PARD3B: variants seen among roughly 807,000 people sequenced by gnomAD.
PARD3B encodes par-3 family cell polarity regulator beta.
A neutral mutation model predicts 130.2 loss-of-function variants in PARD3B; 103 were observed. That is an observed-to-expected ratio of 0.79 (90% confidence interval 0.67 to 0.93). The LOEUF is 0.93. Ranked by LOEUF, PARD3B falls within the 40% of genes least tolerant of loss-of-function variation. PARD3B has a pLI of 0.00. For missense variants in PARD3B, 1,609 were observed against 1,499.2 expected, an observed-to-expected ratio of 1.07 and a Z score of -1.21; for synonymous variants, 583 against 553.2, an observed-to-expected ratio of 1.05 and a Z score of -0.76.
At chr2:204,935,607 G>A (rs1025933685) in intron 2 of PARD3B, among the ~76,000 whole-genome samples, 3 of 151,588 alleles carry the variant, frequency 2.0e-5, no homozygotes, top group Non-Finnish European at 2.9e-5. Context: ...TGTATTATGT[G>A]TGTATACACA....
intron 2 of PARD3B, among the ~76,000 whole-genome samples, chr2:204,720,988 TGCCACCCCAGATTAAATTA>T: frequency 6.6e-6 from 1 of 151,928 alleles, no homozygotes; most frequent in South Asian, 2.1e-4. Context: ...GACTCTTGGG[TGCCACCCCAGATTAAATTA>T]TAATCTGAGA....
intron 4 of PARD3B, among the ~76,000 whole-genome samples, chr2:205,059,111 G>A (rs1281578699): frequency 6.6e-6 from 1 of 151,852 alleles, no homozygotes; most frequent in African/African-American, 2.4e-5. Context: ...TTTGTACACG[G>A]TATTAGATAA....
intron 2 of PARD3B, among the ~76,000 whole-genome samples, chr2:204,701,700 A>G (rs886965697): frequency 6.6e-6 from 1 of 152,190 alleles, no homozygotes; most frequent in Non-Finnish European, 1.5e-5. Flanking sequence ...GTATTTAACG[A>G]TGACTTCTAC....
In PARD3B at chr2:205,185,168, C is replaced by G. The variant is rs554249543; in HGVS notation, c.1925-596C>G. Among the ~76,000 whole-genome samples, 4 of 152,082 alleles carry G rather than the reference C, an allele frequency of 2.6e-5. No homozygotes were observed. In the South Asian group the frequency reaches 8.3e-4, roughly 32 times the overall value. ...ATACATTTTTAGTAGATGGGAAAAC[C>G]AGGATTTAGACCCCTGTCTTTTCCT... is the stretch of plus-strand genomic sequence containing the variant. On this transcript the variant is annotated intron_variant, in intron 13 of 22. Coordinates refer to ENST00000406610, the MANE Select transcript of PARD3B (RefSeq NM_001302769.2).
At chr2:204,654,643 T>C (rs1156721802) in intron 1 of PARD3B, among the ~76,000 whole-genome samples, 1 of 152,206 alleles carries the variant, frequency 6.6e-6, no homozygotes, top group Non-Finnish European at 1.5e-5. Flanking sequence ...AAACTGTCTC[T>C]AAAAAGTATC....
chr2:205,129,062 A>G (rs1013788923), intron 10 of PARD3B, among the ~76,000 whole-genome samples: 2 of 152,240 alleles, frequency 1.3e-5, no homozygotes, highest in African/African-American at 2.4e-5. Flanking sequence ...TTCTAGTTCT[A>G]TACTAAATTT....
At chr2:205,431,535 T>C (rs1407897871) in intron 19 of PARD3B, among the ~76,000 whole-genome samples, 5 of 152,012 alleles carry the variant, frequency 3.3e-5, no homozygotes, top group African/African-American at 1.2e-4. Context: ...AGTGGCGCTA[T>C]CTCTGCTCAC....
At chr2:205,333,706 G>A (rs912330080) in intron 18 of PARD3B, among the ~76,000 whole-genome samples, 2 of 152,108 alleles carry the variant, frequency 1.3e-5, no homozygotes, top group East Asian at 1.9e-4. Context: ...CCCTGAAGAC[G>A]TGGAATGAGA....
At chr2:204,988,305 G>A (rs1317192457) in intron 3 of PARD3B, among the ~76,000 whole-genome samples, 1 of 152,170 alleles carries the variant, frequency 6.6e-6, no homozygotes, top group African/African-American at 2.4e-5. Context: ...TTGAACTCAT[G>A]GACATAGAGA....
chr2:205,529,649 G>A (rs1337825517), intron 21 of PARD3B, among the ~76,000 whole-genome samples: 1 of 152,116 alleles, frequency 6.6e-6, no homozygotes, highest in Non-Finnish European at 1.5e-5. Flanking sequence ...TACTGACACG[G>A]CTGTTTGAGT....
chr2:204,681,319 T>G (rs1394419979), intron 1 of PARD3B, among the ~76,000 whole-genome samples: 3 of 152,204 alleles, frequency 2.0e-5, no homozygotes, highest in Non-Finnish European at 2.9e-5. Context: ...TCCCTCATTT[T>G]ATATGTAATT....
intron 2 of PARD3B, among the ~76,000 whole-genome samples, chr2:204,922,669 CA>C (rs988213130): frequency 1.4e-5 from 2 of 141,854 alleles, no homozygotes; most frequent in African/African-American, 2.7e-5. Flanking sequence ...AACGTGACTA[CA>C]AAAAAAATAC....
At chr2:205,068,102 T>C (rs918917802) in intron 4 of PARD3B, among the ~76,000 whole-genome samples, 3 of 152,080 alleles carry the variant, frequency 2.0e-5, no homozygotes, top group Non-Finnish European at 2.9e-5. Context: ...TGTTTAGCAT[T>C]GGAATTATAT....
At chr2:204,828,187 A>G (rs2043666204) in intron 2 of PARD3B, among the ~76,000 whole-genome samples, 1 of 152,178 alleles carries the variant, frequency 6.6e-6, no homozygotes, top group Non-Finnish European at 1.5e-5. Flanking sequence ...GTTAACCTCT[A>G]AGCAGCAATT....
In PARD3B at chr2:205,440,269, C is replaced by A; in HGVS notation, c.2742-101C>A. The A allele has an allele frequency of 1.7e-6, 2 of 1,190,000 alleles. No homozygotes were observed. Among genetic ancestry groups the A allele is most frequent in the African/African-American group, 1.5e-5 (1 of 65,188 alleles). The allele number at this position is 1,190,000 out of a possible 1,614,324, so 73.7% of individuals were successfully genotyped here. ...TCTTGAGTAAACAGGAGAATGACAG[C>A]TAAGAGACGAGGAAGAGTTAACATA... On this transcript the variant is annotated intron_variant, in intron 19 of 22. Transcript: ENST00000406610. The surrounding 1 kb of genome is among the most constrained non-coding windows in gnomAD (Gnocchi z 4.2).
intron 11 of PARD3B, among the ~76,000 whole-genome samples, chr2:205,169,314 G>A (rs1294894675): frequency 6.6e-6 from 1 of 152,076 alleles, no homozygotes; most frequent in Non-Finnish European, 1.5e-5. Flanking sequence ...GCTGCCCTGA[G>A]GTGACCTGAA....
At chr2:204,853,432 G>A (rs2044790212) in intron 2 of PARD3B, among the ~76,000 whole-genome samples, 1 of 152,070 alleles carries the variant, frequency 6.6e-6, no homozygotes. Flanking sequence ...ATGATGGGCT[G>A]GGTTGTGTTG....
Position 205,473,659 on chromosome 2 carries a change from T to C in PARD3B, c.3045-26237T>C, listed in dbSNP as rs1559126826. 1.0e-5 allele frequency among the ~76,000 whole-genome samples: 1 copy of C among 95,914 alleles called. No homozygotes were observed. The allele number at this position is 95,914 out of a possible 152,430, so 62.9% of individuals were successfully genotyped here. Reference sequence around the variant, plus strand: ...CCCAATATAAGGTTATATATATGTGTGTGTGTGTGTGTGTGTGTGTGTATG... The same window carrying C: ...CCCAATATAAGGTTATATATATGTGCGTGTGTGTGTGTGTGTGTGTGTATG... On this transcript the variant is annotated intron_variant, in intron 20 of 22. Transcript: ENST00000406610. This position sits in a 1 kb window ranked among gnomAD's most constrained non-coding sequence, Gnocchi z 4.9.
At chr2:204,918,743 C>A (rs1161527585) in intron 2 of PARD3B, among the ~76,000 whole-genome samples, 1 of 151,384 alleles carries the variant, frequency 6.6e-6, no homozygotes, top group Non-Finnish European at 1.5e-5. Flanking sequence ...GCAGTTTGTT[C>A]TTTTTGAGGG....
Sources: allele counts gnomAD v4.1 joint callset (sites outside exome capture counted in the v4.1 genomes callset), GRCh38; gene constraint gnomAD v4.1.1; non-coding constraint Gnocchi (gnomAD v3.1); transcripts MANE v1.5; gene names NCBI Gene and HGNC (gene_info 2026-07-23, HGNC 2026-07-21).